The following LGR5 variants were observed in gnomAD, a reference collection of about 807,000 sequenced individuals.
The protein encoded by LGR5 is leucine rich repeat containing G protein-coupled receptor 5, also known as leucine-rich repeat-containing G protein-coupled receptor 5.
Under a neutral mutation model 76.7 loss-of-function variants are expected in LGR5, and 54 were observed. The ratio of observed to expected loss-of-function variants is 0.70; its 90% CI spans 0.57 to 0.88. The LOEUF (loss-of-function observed/expected upper bound fraction) is 0.88. Ranked by LOEUF, LGR5 falls within the 40% of genes least tolerant of loss-of-function variation. LGR5 has a pLI of 0.00. For synonymous variants in LGR5, 406 were observed against 421.9 expected (o/e 0.96, Z 0.46); for missense variants, 1,078 against 1,073.3 (o/e 1.00, Z -0.06).
intron 11 of LGR5, among the ~76,000 whole-genome samples, chr12:71,569,373 A>G (rs1878497531): frequency 6.6e-6 from 1 of 152,250 alleles, no homozygotes; most frequent in South Asian, 2.1e-4. Flanking sequence ...CGAACAGACA[A>G]CCTACAGAAT....
At chr12:71,539,223 T>A (rs1876752770) in intron 4 of LGR5, among the ~76,000 whole-genome samples, 1 of 152,198 alleles carries the variant, frequency 6.6e-6, no homozygotes. Context: ...TCTATAACAC[T>A]AACAAAGTGG....
At chr12:71,493,850 CG>C (rs1874188246) in intron 1 of LGR5, among the ~76,000 whole-genome samples, 1 of 146,968 alleles carries the variant, frequency 6.8e-6, no homozygotes, top group African/African-American at 2.6e-5. Context: ...CTCACTGAAG[CG>C]GTGACCTTCT....
At chr12:71,564,738 C>T (rs1726457) in intron 8 of LGR5, among the ~76,000 whole-genome samples, 125,135 of 140,628 alleles carry the variant, frequency 0.89, 57,747 homozygotes, top group East Asian at 1. Context: ...TATGTACACA[C>T]ACTGTATATA....
At chr12:71,535,075 ATT>A in intron 3 of LGR5, 38 bp from the exon 4 acceptor site, 1 of 1,449,278 alleles carries the variant, frequency 6.9e-7, no homozygotes. Context: ...GTTATTGTTC[ATT>A]TTTTTTAACA....
At chr12:71,508,732 G>A (rs1004211775) in intron 2 of LGR5, among the ~76,000 whole-genome samples, 1 of 114,512 alleles carries the variant, frequency 8.7e-6, no homozygotes, top group Admixed American at 1.2e-4. Flanking sequence ...CCAGCCTGGT[G>A]ATAGAGTGAG....
chr12:71,577,702 T>A (rs1022587892), intron 13 of LGR5, among the ~76,000 whole-genome samples: 3 of 152,212 alleles, frequency 2.0e-5, no homozygotes, highest in Non-Finnish European at 4.4e-5. Context: ...AATATCCACC[T>A]GAACGATGTT....
At chr12:71,520,336 T>C (rs1218910343) in intron 2 of LGR5, among the ~76,000 whole-genome samples, 1 of 152,128 alleles carries the variant, frequency 6.6e-6, no homozygotes, top group Non-Finnish European at 1.5e-5. Flanking sequence ...TAATATGAGA[T>C]ACCTAGAAAA....
intron 4 of LGR5, among the ~76,000 whole-genome samples, chr12:71,552,410 T>C (rs1148986): frequency 0.61 from 91,878 of 151,546 alleles, 30,664 homozygotes; most frequent in Non-Finnish European, 0.76. Context: ...ACTAAAAATG[T>C]AAAAATTAGC....
In LGR5 at chr12:71,440,044, G is replaced by C; in HGVS notation, c.-37G>C. ...CCGTAGCAGTCCGGTGCTGCTCTCC[G>C]CCCGCGTCCGGCTCGTGGCCCCCTA... On this transcript the variant is annotated 5_prime_UTR_variant, in exon 1 of 18. Coordinates refer to ENST00000266674, the MANE Select transcript of LGR5 (RefSeq NM_003667.4). This position sits in a 1 kb window ranked among gnomAD's most constrained non-coding sequence, Gnocchi z 5.3. The C allele has an allele frequency of 6.3e-7, 1 of 1,590,184 alleles. No individual in the cohort carries two copies. Among genetic ancestry groups the C allele is most frequent in the Non-Finnish European group, 8.5e-7 (1 of 1,172,762 alleles).
intron 3 of LGR5, among the ~76,000 whole-genome samples, chr12:71,531,793 G>C (rs1229492881): frequency 1.3e-5 from 2 of 152,102 alleles, no homozygotes; most frequent in Non-Finnish European, 2.9e-5. Context: ...GCTTGAACCC[G>C]GGAGGCGGAG....
At chr12:71,572,499 A>C (rs558778068) in intron 12 of LGR5, among the ~76,000 whole-genome samples, 32 of 152,348 alleles carry the variant, frequency 2.1e-4, no homozygotes, top group African/African-American at 5.8e-4. Flanking sequence ...AAAACAAAGC[A>C]AATCCATCTG....
At chr12:71,524,301 G>A in intron 2 of LGR5, 105 bp from the exon 3 acceptor site, 1 of 708,562 alleles carries the variant, frequency 1.4e-6, no homozygotes. Context: ...AGTTGCTTTT[G>A]ATATTTGTGG....
At chr12:71,492,103 TATC>T (rs1196787533) in intron 1 of LGR5, among the ~76,000 whole-genome samples, 1 of 152,022 alleles carries the variant, frequency 6.6e-6, no homozygotes, top group African/African-American at 2.4e-5. Context: ...GTTCAGGACT[TATC>T]ATTTTTTCTG....
At chr12:71,507,908 T>C (rs7956119) in intron 2 of LGR5, among the ~76,000 whole-genome samples, 14,058 of 151,980 alleles carry the variant, frequency 0.092, 698 homozygotes, top group Non-Finnish European at 0.11. Context: ...AAACCTCCCA[T>C]CATAAAACTC....
chr12:71,509,603 A>C (rs919835748), intron 2 of LGR5, among the ~76,000 whole-genome samples: 5 of 152,178 alleles, frequency 3.3e-5, no homozygotes, highest in African/African-American at 1.2e-4. Flanking sequence ...AGAGTGTAGT[A>C]GAGATGTTGG....
intron 1 of LGR5, among the ~76,000 whole-genome samples, chr12:71,465,224 T>A (rs1447503991): frequency 6.6e-6 from 1 of 151,916 alleles, no homozygotes; most frequent in Admixed American, 6.6e-5. Flanking sequence ...TACCCTAACA[T>A]CTCCTAAAAC....
intron 15 of LGR5, 49 bp downstream of exon 15, chr12:71,578,978 T>G (rs370523307): frequency 1.3e-6 from 2 of 1,529,650 alleles, no homozygotes; most frequent in Non-Finnish European, 1.8e-6. Context: ...TCATGTGAAA[T>G]AATAGATGTA....
At chr12:71,447,223 C>T (rs915937899) in intron 1 of LGR5, among the ~76,000 whole-genome samples, 1 of 152,178 alleles carries the variant, frequency 6.6e-6, no homozygotes, top group African/African-American at 2.4e-5. Flanking sequence ...TATTTTTAAA[C>T]TTTGCATGCT....
At chr12:71,530,228 G>T (rs1876234849) in intron 3 of LGR5, among the ~76,000 whole-genome samples, 1 of 151,868 alleles carries the variant, frequency 6.6e-6, no homozygotes, top group Non-Finnish European at 1.5e-5. Flanking sequence ...GTTATTAAAG[G>T]GAACGTTGAA....
Sources: allele counts gnomAD v4.1 joint callset (sites outside exome capture counted in the v4.1 genomes callset), GRCh38; gene constraint gnomAD v4.1.1; non-coding constraint Gnocchi (gnomAD v3.1); transcripts MANE v1.5; gene names NCBI Gene and HGNC (gene_info 2026-07-23, HGNC 2026-07-21).